Variants in CR2 observed in about 807,000 individuals in gnomAD.
CR2 encodes complement receptor type 2.
In CR2, 96 loss-of-function variants were observed where a neutral mutation model predicts 123.0. That is an observed-to-expected ratio of 0.78 (90% CI 0.66 to 0.93). The LOEUF is 0.93. Among genes scored for constraint, CR2 ranks in the 40% least tolerant of loss-of-function variants. CR2 has a pLI of 0.00. For synonymous variants in CR2, 484 were observed against 469.5 expected (o/e 1.03, Z -0.40); for missense variants, 1,258 against 1,361.0 (o/e 0.92, Z 1.19).
At position 207,473,683 on chromosome 1, in the gene CR2, C is replaced by T. The variant is rs1658352931; in HGVS notation, c.2117C>T (p.Pro706Leu). The change falls in exon 11 of 20, where the codon CCT becomes CTT. Residue 706 changes from proline (P) to leucine (L), a missense_variant. By Grantham distance (98) the Pro-to-Leu change is moderately conservative. Coordinates refer to ENST00000367057, the MANE Select transcript of CR2 (RefSeq NM_001006658.3). ...LVGNKSIHCM[P>L]SGNWSPSAPR... ...GGAAACAAATCCATTCACTGTATGC[C>T]TTCAGGAAATTGGAGTCCTTCTGCC... The T allele has an allele frequency of 3.7e-6, 6 of 1,614,010 alleles. No homozygotes were observed. Among genetic ancestry groups the T allele is most frequent in the Non-Finnish European group, 5.1e-6 (6 of 1,179,898 alleles).
chr1:207,466,402 C>A (rs1658098821), intron 1 of CR2, 124 bp from the exon 2 acceptor site: 2 of 1,126,392 alleles, frequency 1.8e-6, no homozygotes, highest in Admixed American at 3.6e-5. Flanking sequence ...AATAAATAAA[C>A]TATACATATT....
rs912703199 is a variant in CR2 at position 207,478,199 on chromosome 1, A to G, written c.3088+129A>G. 5.0e-6 allele frequency: 5 copies of G among 1,003,386 alleles called. No individual in the cohort carries two copies. In the African/African-American group the frequency reaches 6.4e-5, roughly 13 times the overall value. The allele number at this position is 1,003,386 out of a possible 1,614,324, so 62.2% of individuals were successfully genotyped here. A position where few individuals can be genotyped will look rare whatever the true frequency, so the allele number is the denominator to read the frequency against. On this transcript the variant is annotated intron_variant, in intron 16 of 19. Coordinates refer to ENST00000367057, the MANE Select transcript of CR2 (RefSeq NM_001006658.3). ...TTTGTGACCAGTTGTATAATTACAG[A>G]GGAACTTGAAGTCAGTGGTCTATTC...
chr1:207,485,228 C>T (rs1658716927), intron 18 of CR2, among the ~76,000 whole-genome samples: 1 of 152,130 alleles, frequency 6.6e-6, no homozygotes, highest in African/African-American at 2.4e-5. Context: ...AGGAGAAATA[C>T]CTAATGTAGA....
intron 14 of CR2, among the ~76,000 whole-genome samples, chr1:207,475,952 G>T (rs868102700): frequency 3.9e-5 from 6 of 152,306 alleles, no homozygotes; most frequent in Middle Eastern, 3.4e-3. Context: ...TAAAGGGAAA[G>T]GAAAAGAAAA....
rs1348550087 is a variant in CR2, at chr1:207,473,783, C to A, written c.2156-18C>A. 1 of 1,613,140 alleles carries A rather than the reference C, an allele frequency of 6.2e-7. No homozygotes were observed. Among genetic ancestry groups the A allele is most frequent in the Non-Finnish European group, 8.5e-7 (1 of 1,179,234 alleles). ...TGAGACATCTATAAATACTGTAATT[C>A]CATCCTTGCTTCTCCAGAAACATGC... On this transcript the variant is annotated intron_variant, in intron 11 of 19. Transcript: ENST00000367057.
Position 207,479,366 on chromosome 1 carries a change from G to A in CR2, c.3112+86G>A. The A allele has an allele frequency of 3.2e-6, 3 of 926,846 alleles. No individual in the cohort carries two copies. In the South Asian group the frequency reaches 4.2e-5, roughly 13 times the overall value. 57.4% of individuals were successfully genotyped at this position (926,846 alleles called of 1,614,324 possible). On this transcript the variant is annotated intron_variant, in intron 17 of 19. Transcript: ENST00000367057. ...CTAGAGGTCCTATATCCTATCTGAT[G>A]ATATATTTAACTCATAGGGAATGTT...
chr1:207,456,797 C>T (rs1657844151), intron 1 of CR2, among the ~76,000 whole-genome samples: 1 of 152,176 alleles, frequency 6.6e-6, no homozygotes, highest in East Asian at 1.9e-4. Flanking sequence ...AAACCCATAC[C>T]CCTTATTCTC....
In CR2 at chr1:207,454,615, G is replaced by A; in HGVS notation, c.58+139G>A. 1.5e-6 allele frequency: 1 copy of A among 680,296 alleles called. No individual in the cohort carries two copies. Among genetic ancestry groups the A allele is most frequent in the Admixed American group, 3.0e-5 (1 of 33,174 alleles). 42.1% of individuals were successfully genotyped at this position (680,296 alleles called of 1,614,324 possible). A position where few individuals can be genotyped will look rare whatever the true frequency, so the allele number is the denominator to read the frequency against. On this transcript the variant is annotated intron_variant, in intron 1 of 19. Coordinates refer to ENST00000367057, the MANE Select transcript of CR2 (RefSeq NM_001006658.3). This position sits in a 1 kb window ranked among gnomAD's most constrained non-coding sequence, Gnocchi z 4.3. ...CGTGTCCGCCTCCCGCTAGCTTTGA[G>A]GGACCACTGCAATAAACCGCCTGGT...
chr1:207,455,159 A>C (rs1322999323), intron 1 of CR2, among the ~76,000 whole-genome samples: 1 of 152,046 alleles, frequency 6.6e-6, no homozygotes, highest in Non-Finnish European at 1.5e-5. Context: ...TTTCCTCCAG[A>C]TTGGCTTGAT....
At chr1:207,478,525 C>CTCAAA (rs1658506716) in intron 16 of CR2, among the ~76,000 whole-genome samples, 1 of 58,746 alleles carries the variant, frequency 1.7e-5, no homozygotes, top group Non-Finnish European at 3.2e-5. Context: ...AAGACCCTAT[C>CTCAAA]AAAAAAAAAA....
intron 18 of CR2, among the ~76,000 whole-genome samples, chr1:207,481,332 A>G (rs1343372714): frequency 1.3e-5 from 2 of 151,988 alleles, no homozygotes; most frequent in Non-Finnish European, 2.9e-5. Flanking sequence ...ACGCCTATTC[A>G]ATTCTTGTGT....
chr1:207,466,057 T>G (rs918060791), intron 1 of CR2, among the ~76,000 whole-genome samples: 8 of 152,220 alleles, frequency 5.3e-5, no homozygotes, highest in African/African-American at 1.9e-4. Flanking sequence ...TGAAGTAGTT[T>G]GCGTTATACT....
In CR2 at chr1:207,466,588, A is replaced by G. The variant is rs759121912; in HGVS notation, c.121A>G (p.Ile41Val). The G allele has an allele frequency of 6.2e-6, 10 of 1,613,954 alleles. No individual in the cohort carries two copies. In the South Asian group the frequency reaches 1.1e-4, roughly 18 times the overall value. ...CCGGATTAGTTATTATTCTACCCCCATTGCTGTTGGTACCGTGATAAGGTA... is the reference window on the plus strand; with the variant it reads ...CCGGATTAGTTATTATTCTACCCCCGTTGCTGTTGGTACCGTGATAAGGTA... ...NGRISYYSTP[I>V]AVGTVIRYSC... is the part of the protein sequence containing the mutation. Residue 41 changes from isoleucine (I) to valine (V), a missense_variant, in exon 2 of 20, where the codon ATT (isoleucine) becomes GTT (valine). By Grantham distance (29) the Ile-to-Val change is conservative. Coordinates refer to ENST00000367057, the MANE Select transcript of CR2 (RefSeq NM_001006658.3).
rs1424936515 is a variant in CR2, at chr1:207,472,762, A to C, written c.1571-10A>C. On this transcript the variant is annotated splice_polypyrimidine_tract_variant and intron_variant, in intron 9 of 19. Coordinates refer to ENST00000367057, the MANE Select transcript of CR2 (RefSeq NM_001006658.3). ...GAACTCAATTCTACAGTATCTTTTC[A>C]TCTCTCTAGAAATCACCTGCCCACC... 6.2e-7 allele frequency: 1 copy of C among 1,612,792 alleles called. No homozygotes were observed. Among genetic ancestry groups the C allele is most frequent in the Non-Finnish European group, 8.5e-7 (1 of 1,179,462 alleles).
intron 18 of CR2, among the ~76,000 whole-genome samples, chr1:207,484,521 G>C (rs1343452296): frequency 6.6e-6 from 1 of 152,162 alleles, no homozygotes; most frequent in African/African-American, 2.4e-5. Context: ...AGTCATCTAA[G>C]ATATTGTAAC....
chr1:207,475,479 G>A (rs767451107), intron 14 of CR2, among the ~76,000 whole-genome samples: 5 of 152,118 alleles, frequency 3.3e-5, no homozygotes, highest in Non-Finnish European at 5.9e-5. Context: ...AATTGTTATT[G>A]TTATGACTTT....
intron 18 of CR2, among the ~76,000 whole-genome samples, chr1:207,482,470 G>A (rs1041250): frequency 0.17 from 25,304 of 151,904 alleles, 2,361 homozygotes; most frequent in Middle Eastern, 0.29. Flanking sequence ...GAAGTCATGC[G>A]AAAAGAGGAA....
intron 9 of CR2, chr1:207,471,861 C>T (rs778678728): frequency 1.2e-5 from 4 of 328,660 alleles, no homozygotes; most frequent in African/African-American, 2.2e-5. Flanking sequence ...TAGTGTGAGA[C>T]CTTGGACCAC....
At chr1:207,478,189 A>ATAAT in intron 16 of CR2, 119 bp downstream of exon 16, 3 of 1,093,916 alleles carry the variant, frequency 2.7e-6, no homozygotes, top group Non-Finnish European at 4.0e-6. Context: ...GACCAGTTGT[A>ATAAT]TAATTACAGA....
Sources: gnomAD v4.1 joint callset for allele counts (sites outside exome capture counted in the v4.1 genomes callset) on GRCh38, gnomAD v4.1.1 for gene constraint, Gnocchi (gnomAD v3.1) non-coding constraint, MANE v1.5 for transcripts, NCBI Gene and HGNC (gene_info 2026-07-23, HGNC 2026-07-21) for gene names.